TENM2: variants seen among roughly 807,000 people sequenced by gnomAD.
The protein encoded by TENM2 is teneurin-2.
In TENM2, 52 loss-of-function variants were observed where a neutral mutation model predicts 245.2. The ratio of observed to expected loss-of-function variants is 0.21; its 90% CI spans 0.17 to 0.27. TENM2 has a LOEUF of 0.27. Among genes scored for constraint, TENM2 ranks in the 10% least tolerant of loss-of-function variants. The pLI is 1.00. For synonymous variants in TENM2, 1,363 were observed against 1,438.9 expected (o/e 0.95, Z 1.19); for missense variants, 3,046 against 3,666.8 (o/e 0.83, Z 4.37).
At chr5:168,056,188 C>A (rs938391757) in intron 6 of TENM2, among the ~76,000 whole-genome samples, 1 of 152,170 alleles carries the variant, frequency 6.6e-6, no homozygotes, top group African/African-American at 2.4e-5. Context: ...GATCTGTCCT[C>A]CTGGACATCG....
the TENM2 span, among the ~76,000 whole-genome samples, chr5:167,248,806 GTGTA>G: frequency 6.8e-3 from 241 of 35,624 alleles, no homozygotes; most frequent in African/African-American, 0.011. Context: ...GTGCGTGTGT[GTGTA>G]TATATATATA....
intron 2 of TENM2, among the ~76,000 whole-genome samples, chr5:167,840,242 G>T (rs1385498074): frequency 1.3e-5 from 2 of 152,164 alleles, no homozygotes; most frequent in African/African-American, 4.8e-5. Context: ...TTTTAACTTT[G>T]ACAGAGACTT....
At chr5:166,979,176 GCAGCAGCAGCACCACCAC>G in the TENM2 span, among the ~76,000 whole-genome samples, 6 of 122,968 alleles carry the variant, frequency 4.9e-5, no homozygotes, top group South Asian at 1.2e-3. Context: ...TTCCGAAGTA[GCAGCAGCAGCACCACCAC>G]CAGCAGCAGC....
At chr5:167,111,701 A>G in the TENM2 span, among the ~76,000 whole-genome samples, 19 of 152,330 alleles carry the variant, frequency 1.2e-4, no homozygotes, top group South Asian at 3.9e-3. Flanking sequence ...AGTTACAGAA[A>G]TCCTAAAACA....
intron 7 of TENM2, among the ~76,000 whole-genome samples, chr5:168,076,008 G>C (rs557098583): frequency 6.6e-6 from 1 of 152,166 alleles, no homozygotes; most frequent in South Asian, 2.1e-4. Context: ...GGAATTATGG[G>C]AGCTACAATT....
At chr5:167,765,038 C>G (rs1374466569) in intron 2 of TENM2, among the ~76,000 whole-genome samples, 1 of 152,086 alleles carries the variant, frequency 6.6e-6, no homozygotes, top group Non-Finnish European at 1.5e-5. Flanking sequence ...TTTCTGCAAC[C>G]CGAGTGCCTG....
chr5:168,168,438 G>A (rs1758497692), intron 13 of TENM2, among the ~76,000 whole-genome samples: 1 of 152,150 alleles, frequency 6.6e-6, no homozygotes, highest in Non-Finnish European at 1.5e-5. Context: ...CTAACACTTT[G>A]GGAGACCAAG....
the TENM2 span, among the ~76,000 whole-genome samples, chr5:167,023,748 A>G: frequency 2.6e-5 from 4 of 152,334 alleles, no homozygotes; most frequent in East Asian, 7.7e-4. Flanking sequence ...TGTCCAAGAT[A>G]GAAATTGCAA....
At chr5:167,682,479 AG>A (rs1478922566) in intron 2 of TENM2, among the ~76,000 whole-genome samples, 1 of 152,096 alleles carries the variant, frequency 6.6e-6, no homozygotes, top group East Asian at 1.9e-4. Context: ...GCCTTTTCAT[AG>A]AAACTTATTG....
intron 7 of TENM2, among the ~76,000 whole-genome samples, chr5:168,070,815 GAGAGAA>G (rs780368685): frequency 0.016 from 2,107 of 131,882 alleles, 47 homozygotes; most frequent in African/African-American, 0.044. Context: ...GAGAGAGAGA[GAGAGAA>G]AAAAAGAAAG....
intron 2 of TENM2, among the ~76,000 whole-genome samples, chr5:167,725,169 A>T (rs992523980): frequency 9.3e-5 from 14 of 150,652 alleles, no homozygotes; most frequent in African/African-American, 2.4e-4. Context: ...AATTCAATAA[A>T]TTTTTTTTTT....
At chr5:167,622,895 G>A (rs1778265150) in intron 2 of TENM2, among the ~76,000 whole-genome samples, 1 of 152,092 alleles carries the variant, frequency 6.6e-6, no homozygotes, top group African/African-American at 2.4e-5. Context: ...CCACGGTCTT[G>A]TCAAAGCTGC....
Position 168,247,841 on chromosome 5 carries a change from G to A in TENM2, c.6902G>A (p.Arg2301His), listed in dbSNP as rs372010493. ...GCCAGCGGGTGGAGTGTCCAGTACCGCTATGATGGCGTAGGACGGCGGGCT... is the reference window on the plus strand; with the variant it reads ...GCCAGCGGGTGGAGTGTCCAGTACCACTATGATGGCGTAGGACGGCGGGCT... Residue 2301 changes from arginine (R) to histidine (H), a missense_variant, in exon 27 of 29, where the codon CGC becomes CAC. By Grantham distance (29) the Arg-to-His change is conservative. Transcript: ENST00000518659. This position sits in a 1 kb window ranked among gnomAD's most constrained non-coding sequence, Gnocchi z 7.8. 312 of 1,613,810 alleles carry A rather than the reference G, an allele frequency of 1.9e-4. No individual in the cohort carries two copies. The highest frequency in any genetic ancestry group is 5.3e-4 in the South Asian group (48 of 91,084).
At chr5:167,215,670 A>G in the TENM2 span, among the ~76,000 whole-genome samples, 1 of 152,200 alleles carries the variant, frequency 6.6e-6, no homozygotes, top group Non-Finnish European at 1.5e-5. Flanking sequence ...CAGAGAAGGA[A>G]TAGAGACCTG....
chr5:167,744,096 G>A (rs1761392343), intron 2 of TENM2, among the ~76,000 whole-genome samples: 1 of 152,158 alleles, frequency 6.6e-6, no homozygotes, highest in African/African-American at 2.4e-5. Flanking sequence ...TCCAGACACA[G>A]AATCTGTTTA....
At chr5:167,286,209 A>G (rs1264749745) in intron 1 of TENM2, among the ~76,000 whole-genome samples, 1 of 152,184 alleles carries the variant, frequency 6.6e-6, no homozygotes, top group Admixed American at 6.5e-5. Context: ...ATAAATCAAC[A>G]GAGAAACTGT....
rs184996458 is a variant in TENM2, at chr5:167,458,619, A to T, written c.502+83146A>T. The stretch of plus-strand genomic sequence containing the variant: ...AGTAAAGCTGACGTCATGCATAGAA[A>T]ACTACATCTCAACAGAATTTTATTA... On this transcript the variant is annotated intron_variant, in intron 2 of 28. Coordinates refer to ENST00000518659, the Ensembl canonical transcript of TENM2. Among the ~76,000 whole-genome samples, 7 of 152,316 alleles carry T rather than the reference A, an allele frequency of 4.6e-5. No homozygotes were observed. In the East Asian group the frequency reaches 1.3e-3, roughly 29 times the overall value.
At chr5:167,900,386 A>G (rs1376265785) in intron 3 of TENM2, among the ~76,000 whole-genome samples, 2 of 152,160 alleles carry the variant, frequency 1.3e-5, no homozygotes, top group African/African-American at 2.4e-5. Flanking sequence ...TACGGTACTG[A>G]GAGGTTAAAT....
chr5:167,044,080 G>GGAAGGAAA, the TENM2 span, among the ~76,000 whole-genome samples: 547 of 150,626 alleles, frequency 3.6e-3, 1 homozygote, highest in Non-Finnish European at 5.6e-3. Context: ...AAGGAAGGAA[G>GGAAGGAAA]GAAAGACTGT....
Sources: gnomAD v4.1 joint callset for allele counts (sites outside exome capture counted in the v4.1 genomes callset) on GRCh38, gnomAD v4.1.1 for gene constraint, Gnocchi (gnomAD v3.1) non-coding constraint, MANE v1.5 for transcripts, NCBI Gene and HGNC (gene_info 2026-07-23, HGNC 2026-07-21) for gene names.